The following GPC5 variants were observed in gnomAD, a reference collection of about 807,000 sequenced individuals.
The protein encoded by GPC5 is glypican-5.
A neutral mutation model predicts 53.9 loss-of-function variants in GPC5; 47 were observed. The ratio of observed to expected loss-of-function variants is 0.87; its 90% CI spans 0.69 to 1.11. The LOEUF is 1.11. GPC5 is among the 50% of genes most tolerant of loss of function. The pLI is 0.00. For missense variants in GPC5, 748 were observed against 713.1 expected (o/e 1.05, Z -0.56); for synonymous variants, 286 against 263.3 (o/e 1.09, Z -0.84).
At chr13:92,060,175 T>A (rs1263943348) in intron 6 of GPC5, among the ~76,000 whole-genome samples, 1 of 151,904 alleles carries the variant, frequency 6.6e-6, no homozygotes, top group Non-Finnish European at 1.5e-5. Context: ...AGCATCAAAG[T>A]CCTATACAAA....
intron 5 of GPC5, among the ~76,000 whole-genome samples, chr13:91,831,595 C>T (rs1347192423): frequency 2.0e-5 from 3 of 151,758 alleles, no homozygotes; most frequent in Non-Finnish European, 2.9e-5. Flanking sequence ...TAAAAATGCA[C>T]ACCTAACTTT....
chr13:92,310,231 A>G (rs1566532123), intron 7 of GPC5, among the ~76,000 whole-genome samples: 1 of 151,882 alleles, frequency 6.6e-6, no homozygotes, highest in Non-Finnish European at 1.5e-5. Context: ...TATTTTTAAC[A>G]CCCCTCTAAA....
chr13:92,244,119 A>G (rs570821581), intron 7 of GPC5, among the ~76,000 whole-genome samples: 3 of 152,336 alleles, frequency 2.0e-5, no homozygotes, highest in African/African-American at 7.2e-5. Context: ...AACTTTCATA[A>G]GAACTGAAGC....
chr13:92,755,705 T>G (rs1381141511), intron 7 of GPC5, among the ~76,000 whole-genome samples: 1 of 137,878 alleles, frequency 7.3e-6, no homozygotes, highest in African/African-American at 2.7e-5. Context: ...CAAACACCTC[T>G]ACGCAAATAA....
intron 7 of GPC5, among the ~76,000 whole-genome samples, chr13:92,392,921 A>T (rs1047158761): frequency 7.9e-5 from 12 of 152,188 alleles, no homozygotes; most frequent in Non-Finnish European, 1.6e-4. Context: ...GAGCTTGCAG[A>T]AAAAAGGGAA....
chr13:91,520,198 T>C (rs1289256927), intron 2 of GPC5, among the ~76,000 whole-genome samples: 1 of 152,138 alleles, frequency 6.6e-6, no homozygotes, highest in Non-Finnish European at 1.5e-5. Context: ...ATTTTAAAGA[T>C]GTTAAATGTG....
In GPC5 at chr13:91,844,225, A is replaced by C. The variant is rs142934160; in HGVS notation, c.1281-63712A>C. On this transcript the variant is annotated intron_variant, in intron 5 of 7. Transcript: ENST00000377067. ...AGTTTAAGGAAAAGGAGTGGTAATC[A>C]ACAAATTTGGAAATTACATAAAGTC... 4.4e-3 allele frequency among the ~76,000 whole-genome samples: 663 copies of C among 152,350 alleles called. 6 individuals carry two copies. Among genetic ancestry groups the C allele is most frequent in the African/African-American group, 0.015 (639 of 41,578 alleles).
chr13:92,350,334 TG>T (rs1251897758), intron 7 of GPC5, among the ~76,000 whole-genome samples: 1 of 152,178 alleles, frequency 6.6e-6, no homozygotes, highest in East Asian at 1.9e-4. Flanking sequence ...AAGATGAGGA[TG>T]TCCACTTTCA....
intron 7 of GPC5, among the ~76,000 whole-genome samples, chr13:92,436,646 C>T (rs1326443492): frequency 3.3e-5 from 5 of 152,150 alleles, no homozygotes; most frequent in African/African-American, 9.7e-5. Flanking sequence ...ATAGTTCTAT[C>T]CACATTCTTT....
chr13:92,461,529 G>A (rs566195710), intron 7 of GPC5, among the ~76,000 whole-genome samples: 3 of 152,334 alleles, frequency 2.0e-5, no homozygotes, highest in African/African-American at 4.8e-5. Flanking sequence ...GGAATGGATT[G>A]AATGTTTGTG....
intron 7 of GPC5, among the ~76,000 whole-genome samples, chr13:92,168,943 T>C (rs2042050288): frequency 1.3e-5 from 2 of 152,070 alleles, no homozygotes; most frequent in African/African-American, 4.8e-5. Context: ...ACCCCAACAG[T>C]TATAGACCGG....
intron 6 of GPC5, among the ~76,000 whole-genome samples, chr13:92,089,686 T>C (rs2041364041): frequency 6.6e-6 from 1 of 152,142 alleles, no homozygotes; most frequent in South Asian, 2.1e-4. Flanking sequence ...ATTTAATCAT[T>C]TTTTCAGGAA....
At chr13:92,331,896 C>T (rs1190009907) in intron 7 of GPC5, among the ~76,000 whole-genome samples, 2 of 151,682 alleles carry the variant, frequency 1.3e-5, no homozygotes, top group African/African-American at 4.8e-5. Context: ...GTTATCATTT[C>T]AATTCAATAA....
At chr13:91,484,471 C>T (rs948820240) in intron 2 of GPC5, among the ~76,000 whole-genome samples, 2 of 152,114 alleles carry the variant, frequency 1.3e-5, no homozygotes, top group African/African-American at 2.4e-5. Flanking sequence ...TTGCAATAAG[C>T]TTTTCATTTG....
chr13:91,640,496 G>C (rs9589320), intron 2 of GPC5, among the ~76,000 whole-genome samples: 6,840 of 152,282 alleles, frequency 0.045, 457 homozygotes, highest in African/African-American at 0.15. Context: ...TGGTGAGGTT[G>C]CAGAGAAATA....
chr13:91,796,439 T>C lies in GPC5; in HGVS notation c.1280+40019T>C, dbSNP rs1416001050. On this transcript the variant is annotated intron_variant, in intron 5 of 7. Transcript: ENST00000377067. ...ACAAACAGACCAGAAGAGTGTGCAG[T>C]TGCAAGATTTAATAGAGTGAAAACA... Among the ~76,000 whole-genome samples the C allele has an allele frequency of 5.9e-5, 9 of 152,190 alleles. No homozygotes were observed. In the East Asian group the frequency reaches 1.4e-3, roughly 23 times the overall value.
At chr13:91,552,368 A>G (rs2030691492) in intron 2 of GPC5, among the ~76,000 whole-genome samples, 1 of 152,006 alleles carries the variant, frequency 6.6e-6, no homozygotes, top group African/African-American at 2.4e-5. Flanking sequence ...AATTGCCGAG[A>G]CCAGCTCGAT....
chr13:92,822,981 A>AG (rs549309719), intron 7 of GPC5, among the ~76,000 whole-genome samples: 61 of 152,240 alleles, frequency 4.0e-4, no homozygotes, highest in African/African-American at 1.2e-3. Context: ...TGTGAAAAAA[A>AG]AAAATCACGA....
intron 7 of GPC5, among the ~76,000 whole-genome samples, chr13:92,325,741 G>A (rs56301271): frequency 0.029 from 4,400 of 152,066 alleles, 222 homozygotes; most frequent in African/African-American, 0.1. Context: ...TGAGTGAAAG[G>A]AGTTGGCCAA....
Sources: allele counts gnomAD v4.1 joint callset (sites outside exome capture counted in the v4.1 genomes callset), GRCh38; gene constraint gnomAD v4.1.1; transcripts MANE v1.5; gene names NCBI Gene and HGNC (gene_info 2026-07-23, HGNC 2026-07-21).